ALDH1A2: variants seen among roughly 807,000 people sequenced by gnomAD.
The protein encoded by ALDH1A2 is aldehyde dehydrogenase 1 family member A2, also known as retinal dehydrogenase 2.
In ALDH1A2, 27 loss-of-function variants were observed where a neutral mutation model predicts 60.3. The ratio of observed to expected loss-of-function variants is 0.45; its 90% CI spans 0.33 to 0.62. The LOEUF is 0.62. ALDH1A2 is among the 20% of genes least tolerant of loss of function. The probability of loss-of-function intolerance (pLI) is 0.02; values close to 1 mark genes in which losing one functional copy is unlikely to be tolerated. For missense variants in ALDH1A2, 581 were observed against 643.8 expected (o/e 0.90, Z 1.06); for synonymous variants, 289 against 232.4 (o/e 1.24, Z -2.21).
Position 58,014,179 on chromosome 15 carries a change from T to C in ALDH1A2, c.220A>G (p.Lys74Glu), listed in dbSNP as rs1895722366. Residue 74 changes from lysine to glutamate, a missense_variant and splice_region_variant, in exon 2 of 13, where the codon AAG becomes GAG. Physicochemically the swap from Lys to Glu is moderately conservative, Grantham distance 56. This residue lies in a region of ALDH1A2 where 206 missense variants were observed against 174.1 expected (regional missense o/e 1.18). Coordinates refer to ENST00000249750, the MANE Select transcript of ALDH1A2 (RefSeq NM_003888.4). Reference protein sequence around the residue: ...EQVCEVQEADKADIDKAVQAA... With the variant: ...EQVCEVQEADEADIDKAVQAA... Reference sequence around the variant, plus strand: ...TCTTTTATCTACAAAAGACATACCTTGTCTGCTTCTTGAACTTCACACACC... The same window carrying C: ...TCTTTTATCTACAAAAGACATACCTCGTCTGCTTCTTGAACTTCACACACC... 6.2e-7 allele frequency: 1 copy of C among 1,614,172 alleles called. No homozygotes were observed. Among genetic ancestry groups the C allele is most frequent in the East Asian group, 2.2e-5 (1 of 44,884 alleles).
intron 1 of ALDH1A2, among the ~76,000 whole-genome samples, chr15:58,043,984 A>G (rs1174281075): frequency 6.6e-6 from 1 of 151,980 alleles, no homozygotes; most frequent in Admixed American, 6.6e-5. Flanking sequence ...GGCTTGACCA[A>G]GGCCACATAC....
At chr15:57,961,023 G>C in intron 11 of ALDH1A2, 114 bp downstream of exon 11, 1 of 1,448,416 alleles carries the variant, frequency 6.9e-7, no homozygotes, top group African/African-American at 1.4e-5. Flanking sequence ...CCCCTTTTCT[G>C]GTGAACTTTG....
At chr15:58,025,841 GAA>G (rs1443750790) in intron 1 of ALDH1A2, among the ~76,000 whole-genome samples, 1 of 152,166 alleles carries the variant, frequency 6.6e-6, no homozygotes, top group Non-Finnish European at 1.5e-5. Flanking sequence ...GAGCAAGAGA[GAA>G]AAGAGGAAAT....
At chr15:58,014,874 TG>T (rs1184921595) in intron 1 of ALDH1A2, among the ~76,000 whole-genome samples, 1 of 152,192 alleles carries the variant, frequency 6.6e-6, no homozygotes, top group African/African-American at 2.4e-5. Flanking sequence ...AAGATGGGGA[TG>T]GGGAGTTAGC....
intron 1 of ALDH1A2, among the ~76,000 whole-genome samples, chr15:58,034,391 G>T (rs1232763477): frequency 6.6e-6 from 1 of 151,422 alleles, no homozygotes; most frequent in Non-Finnish European, 1.5e-5. Flanking sequence ...TGATTCTTAA[G>T]GATTTTCTAC....
chr15:57,997,826 G>A (rs4646603), intron 4 of ALDH1A2, among the ~76,000 whole-genome samples: 70,072 of 151,724 alleles, frequency 0.46, 16,746 homozygotes, highest in Non-Finnish European at 0.54. Flanking sequence ...TATTTGAAAA[G>A]CATTTAGCTA....
At chr15:57,985,034 G>A (rs941516162) in intron 7 of ALDH1A2, among the ~76,000 whole-genome samples, 3 of 151,930 alleles carry the variant, frequency 2.0e-5, no homozygotes, top group Admixed American at 6.6e-5. Context: ...CTATTTTGTC[G>A]AGGATTTTTC....
intron 5 of ALDH1A2, 137 bp from the exon 6 acceptor site, chr15:57,993,210 T>C: frequency 9.5e-7 from 1 of 1,053,534 alleles, no homozygotes; most frequent in Non-Finnish European, 1.4e-6. Flanking sequence ...ATGTTTGGAT[T>C]TTCAATTACT....
intron 8 of ALDH1A2, chr15:57,964,314 A>G (rs757784378): frequency 3.5e-5 from 18 of 513,424 alleles, no homozygotes; most frequent in Non-Finnish European, 4.9e-5. Context: ...AACCTCGTGT[A>G]TAACAGGAGT....
At chr15:57,982,087 T>A (rs1288585052) in intron 7 of ALDH1A2, among the ~76,000 whole-genome samples, 1 of 152,178 alleles carries the variant, frequency 6.6e-6, no homozygotes. Context: ...AACAGATTAG[T>A]ACCCACCTGA....
At chr15:57,956,318 G>T (rs1182243588) in intron 12 of ALDH1A2, among the ~76,000 whole-genome samples, 6 of 152,178 alleles carry the variant, frequency 3.9e-5, no homozygotes, top group African/African-American at 1.4e-4. Context: ...ACAATTAGGA[G>T]ATATATTTGA....
chr15:57,973,429 A>C (rs1339727795), intron 7 of ALDH1A2, among the ~76,000 whole-genome samples: 1 of 152,182 alleles, frequency 6.6e-6, no homozygotes, highest in Non-Finnish European at 1.5e-5. Flanking sequence ...GTAATGTACC[A>C]ATAGGTCCCA....
chr15:58,011,568 T>C (rs1895633938), intron 3 of ALDH1A2, among the ~76,000 whole-genome samples: 1 of 152,196 alleles, frequency 6.6e-6, no homozygotes, highest in South Asian at 2.1e-4. Flanking sequence ...CAAACATGTT[T>C]GTAATTTTCT....
intron 7 of ALDH1A2, among the ~76,000 whole-genome samples, chr15:57,971,187 C>T (rs1894053274): frequency 6.6e-6 from 1 of 152,222 alleles, no homozygotes; most frequent in Non-Finnish European, 1.5e-5. Context: ...GCCTGTGTGT[C>T]TTTGCATAAG....
At chr15:58,047,848 A>T (rs2140565164) in intron 1 of ALDH1A2, among the ~76,000 whole-genome samples, 1 of 152,162 alleles carries the variant, frequency 6.6e-6, no homozygotes, top group East Asian at 1.9e-4. Flanking sequence ...CCCAAATGGC[A>T]TTGTATAGAA....
At chr15:57,957,591 C>T (rs1042113789) in intron 12 of ALDH1A2, among the ~76,000 whole-genome samples, 11 of 152,202 alleles carry the variant, frequency 7.2e-5, no homozygotes, top group Admixed American at 3.9e-4. Context: ...ATTACTGATG[C>T]AGCCCAATCT....
At position 57,992,926 on chromosome 15, in the gene ALDH1A2, C is replaced by T. The variant is rs138763874; in HGVS notation, c.684+19G>A. 4.8e-4 allele frequency: 780 copies of T among 1,614,044 alleles called. 2 individuals are homozygous for T. The African/African-American group carries it at 9.3e-3, about 19-fold the overall frequency. On this transcript the variant is annotated intron_variant, in intron 6 of 12. Coordinates refer to ENST00000249750, the MANE Select transcript of ALDH1A2 (RefSeq NM_003888.4). ...CTGTAAGGGGAGTCAGAAGCACTCCCGAAGTCCGTTTCTCTTACCTCCTTG... is the reference window on the plus strand; with the variant it reads ...CTGTAAGGGGAGTCAGAAGCACTCCTGAAGTCCGTTTCTCTTACCTCCTTG...
At chr15:58,019,050 A>C (rs775024640) in intron 1 of ALDH1A2, among the ~76,000 whole-genome samples, 10 of 152,170 alleles carry the variant, frequency 6.6e-5, no homozygotes, top group Non-Finnish European at 1.3e-4. Flanking sequence ...TAACTTTTAT[A>C]ATTGTAAGAT....
chr15:58,052,486 G>C (rs555713240), intron 1 of ALDH1A2, among the ~76,000 whole-genome samples: 1 of 151,852 alleles, frequency 6.6e-6, no homozygotes, highest in Non-Finnish European at 1.5e-5. Context: ...TATTTTTTGA[G>C]AGGGAGTCTT....
Sources: gnomAD v4.1 joint callset for allele counts (sites outside exome capture counted in the v4.1 genomes callset) on GRCh38, gnomAD v4.1.1 for gene constraint, gnomAD v4.1.1 regional missense constraint, MANE v1.5 for transcripts, NCBI Gene and HGNC (gene_info 2026-07-23, HGNC 2026-07-21) for gene names.